FBN1: variants seen among roughly 807,000 people sequenced by gnomAD.
FBN1 encodes the protein fibrillin 1.
FBN1 carries 29 observed loss-of-function variants against 365.1 expected under a neutral mutation model. The ratio of observed to expected loss-of-function variants is 0.08; its 90% CI spans 0.06 to 0.11. The LOEUF (loss-of-function observed/expected upper bound fraction) is 0.11, where lower values mean the gene tolerates loss of function less well. Among genes scored for constraint, FBN1 ranks in the 10% least tolerant of loss-of-function variants. The pLI, the probability that FBN1 is intolerant of heterozygous loss-of-function variation, is 1.00. For synonymous variants in FBN1, 1,210 were observed against 1,270.5 expected, an observed-to-expected ratio of 0.95 and a Z score of 1.01; for missense variants, 2,476 against 3,703.2, an observed-to-expected ratio of 0.67 and a Z score of 8.60.
chr15:48,484,905 A>G (rs1296664032), intron 30 of FBN1, among the ~76,000 whole-genome samples: 1 of 152,234 alleles, frequency 6.6e-6, no homozygotes, highest in Non-Finnish European at 1.5e-5. Flanking sequence ...AAACTTTAGC[A>G]TGCATCCAAA....
intron 53 of FBN1, among the ~76,000 whole-genome samples, chr15:48,436,313 T>A (rs999908107): frequency 1.3e-5 from 2 of 152,200 alleles, no homozygotes; most frequent in African/African-American, 4.8e-5. Context: ...GAAATCTTCA[T>A]AACCTGATTT....
intron 32 of FBN1, among the ~76,000 whole-genome samples, chr15:48,477,276 GTGTTTTCAGTTTTATGGCAA>G (rs1370109314): frequency 2.0e-5 from 3 of 152,118 alleles, no homozygotes; most frequent in Non-Finnish European, 2.9e-5. Flanking sequence ...ACTTTAGAAA[GTGTTTTCAGTTTTATGGCAA>G]TGTTTTCAAG....
At chr15:48,434,508 T>A in intron 54 of FBN1, 86 bp downstream of exon 54, 1 of 1,515,328 alleles carries the variant, frequency 6.6e-7, no homozygotes, top group Non-Finnish European at 9.2e-7. Context: ...ACACCCTGAG[T>A]TGTATTTAAT....
rs1041259740 is a variant in FBN1, at chr15:48,470,498, G to A, written c.4459+136C>T. ...CAATCAGTTCCAGGTCTGAGAAAAG[G>A]TATCTGTGATTCTTAATACTTCCCC... On this transcript the variant is annotated intron_variant, in intron 36 of 65. Coordinates refer to ENST00000316623, the MANE Select transcript of FBN1 (RefSeq NM_000138.5). 12 of 1,176,340 alleles carry A rather than the reference G, an allele frequency of 1.0e-5. No homozygotes were observed. The African/African-American group carries it at 1.2e-4, about 12-fold the overall frequency. The allele number at this position is 1,176,340 out of a possible 1,614,324, so 72.9% of individuals were successfully genotyped here.
chr15:48,445,189 T>TATATATACA (rs1298187458), intron 48 of FBN1, among the ~76,000 whole-genome samples, 187 bp downstream of exon 48: 2 of 140,128 alleles, frequency 1.4e-5, no homozygotes, highest in Non-Finnish European at 3.1e-5. Context: ...TATATGTATA[T>TATATATACA]ATATATACAT....
chr15:48,495,376 T>C (rs999938430), intron 21 of FBN1, 93 bp downstream of exon 21: 1 of 1,589,872 alleles, frequency 6.3e-7, no homozygotes, highest in African/African-American at 1.3e-5. Context: ...TTAATATTGT[T>C]CATCCATACT....
intron 6 of FBN1, among the ~76,000 whole-genome samples, chr15:48,550,744 C>A (rs1272742016): frequency 2.6e-5 from 4 of 152,096 alleles, no homozygotes; most frequent in Non-Finnish European, 5.9e-5. Flanking sequence ...CCTTTCCTCT[C>A]CCTATTTTTC....
At chr15:48,550,223 G>C (rs1333598538) in intron 6 of FBN1, among the ~76,000 whole-genome samples, 1 of 152,214 alleles carries the variant, frequency 6.6e-6, no homozygotes, top group Non-Finnish European at 1.5e-5. Flanking sequence ...CCTGAGCCAG[G>C]ATGGCTTCAG....
intron 17 of FBN1, among the ~76,000 whole-genome samples, chr15:48,500,834 C>G (rs1458105125): frequency 2.6e-5 from 4 of 152,202 alleles, no homozygotes; most frequent in African/African-American, 9.6e-5. Context: ...CAGTGAGAAA[C>G]AGCTTCATAT....
At chr15:48,614,191 G>A (rs978057618) in intron 2 of FBN1, among the ~76,000 whole-genome samples, 1 of 152,174 alleles carries the variant, frequency 6.6e-6, no homozygotes, top group African/African-American at 2.4e-5. Flanking sequence ...CGTATCCTGA[G>A]GGCCTAAGCA....
At chr15:48,557,763 A>G (rs2044192686) in intron 6 of FBN1, among the ~76,000 whole-genome samples, 2 of 152,184 alleles carry the variant, frequency 1.3e-5, no homozygotes, top group South Asian at 4.1e-4. Flanking sequence ...CTCTCTGAGC[A>G]TACTTAGCTG....
chr15:48,620,308 C>G (rs1007112653), intron 2 of FBN1, among the ~76,000 whole-genome samples: 1 of 152,170 alleles, frequency 6.6e-6, no homozygotes, highest in African/African-American at 2.4e-5. Flanking sequence ...GACAAAACAC[C>G]ATAGTTCCAT....
chr15:48,629,106 T>A (rs1001140279), intron 2 of FBN1, among the ~76,000 whole-genome samples: 3 of 152,218 alleles, frequency 2.0e-5, no homozygotes, highest in African/African-American at 7.2e-5. Context: ...ACGTTACTAG[T>A]CTATATTGAG....
At chr15:48,460,339 GGGATGGGA>G in intron 42 of FBN1, 22 bp from the exon 43 acceptor site, 1 of 1,524,102 alleles carries the variant, frequency 6.6e-7, no homozygotes, top group Non-Finnish European at 9.1e-7. Context: ...AAACAAAGGT[GGGATGGGA>G]GGATAGGGGT....
At position 48,412,576 on chromosome 15, in the gene FBN1, T is replaced by C. The variant is rs193922242; in HGVS notation, c.8219A>G (p.Asn2740Ser). The C allele has an allele frequency of 4.2e-5, 68 of 1,614,056 alleles. No homozygotes were observed. Among genetic ancestry groups the C allele is most frequent in the South Asian group, 6.6e-5 (6 of 91,084 alleles). ...RRSTNETDAS[N>S]IEDQSETEAN... ...AACTAACTTCTGACCCACCTCGATA[T>C]TGGAGGCATCAGTTTCGTTTGTGCT... Residue 2740 changes from asparagine (N) to serine (S), a missense_variant, in exon 65 of 66, where the codon AAT (asparagine) becomes AGT (serine). Coordinates refer to ENST00000316623, the MANE Select transcript of FBN1 (RefSeq NM_000138.5).
intron 37 of FBN1, 77 bp downstream of exon 37, chr15:48,468,335 G>A (rs2043339938): frequency 6.4e-7 from 1 of 1,568,796 alleles, no homozygotes; most frequent in Admixed American, 1.7e-5. Context: ...TGCAAACTTT[G>A]AGAATGGAAT....
rs116537039 is a variant in FBN1, at chr15:48,459,775, C to T, written c.5296+471G>A. 1.7e-3 allele frequency among the ~76,000 whole-genome samples: 264 copies of T among 152,336 alleles called. 1 individual carries two copies. Among genetic ancestry groups the T allele is most frequent in the African/African-American group, 5.9e-3 (247 of 41,584 alleles). On this transcript the variant is annotated intron_variant, in intron 43 of 65. Transcript: ENST00000316623. ...TCAGACCGAAAAGATTTTTATTTCA[C>T]ATCTGAAATTCCCAAAGCAGATGAC...
intron 59 of FBN1, 36 bp from the exon 60 acceptor site, chr15:48,425,527 A>G (rs777457775): frequency 1.4e-5 from 23 of 1,613,494 alleles, no homozygotes; most frequent in Non-Finnish European, 1.9e-5. Context: ...CTGTGCATCT[A>G]AAAATGATGT....
chr15:48,534,310 C>T (rs2043997576), intron 7 of FBN1, 105 bp from the exon 8 acceptor site: 24 of 1,199,270 alleles, frequency 2.0e-5, no homozygotes, highest in African/African-American at 3.0e-5. Flanking sequence ...ATATTTATAT[C>T]GGTGAGTTAT....
Sources: allele counts gnomAD v4.1 joint callset (sites outside exome capture counted in the v4.1 genomes callset), GRCh38; gene constraint gnomAD v4.1.1; transcripts MANE v1.5; gene names NCBI Gene and HGNC (gene_info 2026-07-23, HGNC 2026-07-21).